Variants in SCAI observed in about 807,000 individuals in gnomAD.
SCAI encodes protein SCAI.
SCAI carries 24 observed loss-of-function variants against 92.2 expected under a neutral mutation model. That is an observed-to-expected ratio of 0.26 (90% confidence interval 0.19 to 0.37). The LOEUF (loss-of-function observed/expected upper bound fraction) is 0.37, where lower values mean the gene tolerates loss of function less well. Among genes scored for constraint, SCAI ranks in the 10% least tolerant of loss-of-function variants. SCAI has a pLI of 1.00. For missense variants in SCAI, 450 were observed against 736.2 expected, an observed-to-expected ratio of 0.61 and a Z score of 4.50; for synonymous variants, 261 against 258.6, an observed-to-expected ratio of 1.01 and a Z score of -0.09.
At chr9:124,999,865 A>G (rs754333391) in intron 13 of SCAI, 26 bp downstream of exon 13, 8 of 1,158,146 alleles carry the variant, frequency 6.9e-6, no homozygotes, top group Non-Finnish European at 8.7e-6. Flanking sequence ...AATTTTTATA[A>G]TAAGAGTAGA....
intron 2 of SCAI, among the ~76,000 whole-genome samples, chr9:125,126,027 T>C (rs574245807): frequency 4.0e-5 from 6 of 151,642 alleles, no homozygotes; most frequent in African/African-American, 1.2e-4. Flanking sequence ...TTGGGTACAA[T>C]GAAGCCAGTG....
intron 2 of SCAI, among the ~76,000 whole-genome samples, chr9:125,107,961 C>T (rs1354334622): frequency 6.6e-6 from 1 of 151,774 alleles, no homozygotes; most frequent in African/African-American, 2.4e-5. Context: ...CCTGCCGAAC[C>T]CCTGCGATTG....
intron 2 of SCAI, among the ~76,000 whole-genome samples, chr9:125,089,110 T>A (rs1044104396): frequency 2.0e-5 from 3 of 152,210 alleles, no homozygotes; most frequent in African/African-American, 7.2e-5. Context: ...CCCCAAGTCT[T>A]AACTGTATTC....
intron 2 of SCAI, among the ~76,000 whole-genome samples, chr9:125,061,603 T>C (rs1010765935): frequency 2.0e-5 from 3 of 151,912 alleles, no homozygotes; most frequent in Admixed American, 1.3e-4. Flanking sequence ...TACAAAAAAA[T>C]ACAAAAGCTA....
At chr9:125,095,744 G>A (rs979858766) in intron 2 of SCAI, among the ~76,000 whole-genome samples, 3 of 152,160 alleles carry the variant, frequency 2.0e-5, no homozygotes, top group Non-Finnish European at 4.4e-5. Context: ...ACATAATATT[G>A]AGCATCTTGG....
intron 3 of SCAI, among the ~76,000 whole-genome samples, chr9:125,037,015 T>C (rs928559107): frequency 6.6e-6 from 1 of 152,106 alleles, no homozygotes; most frequent in African/African-American, 2.4e-5. Context: ...ACGCCTGTAA[T>C]CCCAGCACTT....
intron 4 of SCAI, among the ~76,000 whole-genome samples, chr9:125,028,799 C>CT (rs1833014336): frequency 9.6e-6 from 1 of 104,498 alleles, no homozygotes; most frequent in African/African-American, 3.1e-5. Context: ...GAACATTACT[C>CT]TTTTTTTTCC....
intron 17 of SCAI, among the ~76,000 whole-genome samples, chr9:124,958,238 T>C (rs1031716742): frequency 1.3e-5 from 2 of 152,200 alleles, no homozygotes; most frequent in African/African-American, 2.4e-5. Context: ...AAAATTTATA[T>C]AGACGTACAA....
At chr9:125,036,855 T>G (rs1833207557) in intron 3 of SCAI, among the ~76,000 whole-genome samples, 1 of 152,220 alleles carries the variant, frequency 6.6e-6, no homozygotes, top group Admixed American at 6.5e-5. Flanking sequence ...GCATGATGGC[T>G]CATGCCTGTA....
At chr9:125,066,908 G>C (rs934899120) in intron 2 of SCAI, among the ~76,000 whole-genome samples, 1 of 152,120 alleles carries the variant, frequency 6.6e-6, no homozygotes, top group Admixed American at 6.5e-5. Flanking sequence ...GTACCATGCT[G>C]TACAGGATTG....
rs769725407 is a variant in SCAI at position 124,946,693 on chromosome 9, A to G, written c.*6114T>C. 2.6e-5 allele frequency: 4 copies of G among 152,168 alleles called. No individual in the cohort carries two copies. The highest frequency in any genetic ancestry group is 4.4e-5 in the Non-Finnish European group (3 of 68,014). 9.4% of individuals were successfully genotyped at this position (152,168 alleles called of 1,614,324 possible). ...CTATCCTCTTATCCTCCCCAACCCT[A>G]TCATCCTTGGGAGAGGTTTGAAGGC... On this transcript the variant is annotated 3_prime_UTR_variant, in exon 18 of 18. Coordinates refer to ENST00000336505, the MANE Select transcript of SCAI (RefSeq NM_001144877.3). This position sits in a 1 kb window ranked among gnomAD's most constrained non-coding sequence, Gnocchi z 4.0.
intron 3 of SCAI, among the ~76,000 whole-genome samples, chr9:125,052,098 G>C (rs1833571813): frequency 6.6e-6 from 1 of 152,052 alleles, no homozygotes; most frequent in African/African-American, 2.4e-5. Flanking sequence ...AGACCTAAAT[G>C]TAAGAGCTAA....
intron 2 of SCAI, among the ~76,000 whole-genome samples, chr9:125,101,535 A>T (rs889652760): frequency 4.6e-5 from 7 of 152,168 alleles, no homozygotes; most frequent in Non-Finnish European, 4.4e-5. Context: ...AGACCTCCAG[A>T]CATGTCTGGG....
intron 9 of SCAI, among the ~76,000 whole-genome samples, chr9:125,012,458 G>A (rs1384887162): frequency 6.6e-6 from 1 of 152,136 alleles, no homozygotes; most frequent in Admixed American, 6.6e-5. Context: ...ATGGTAAAGG[G>A]ATCGATTCAA....
At chr9:124,976,086 G>A (rs373000361) in intron 15 of SCAI, 28 bp downstream of exon 15, 29 of 1,448,970 alleles carry the variant, frequency 2.0e-5, no homozygotes, top group Non-Finnish European at 2.8e-5. Flanking sequence ...TGCAACCTAT[G>A]GCTATACCAG....
At chr9:125,083,051 C>T (rs1391988810) in intron 2 of SCAI, among the ~76,000 whole-genome samples, 3 of 152,214 alleles carry the variant, frequency 2.0e-5, no homozygotes, top group Admixed American at 6.5e-5. Flanking sequence ...ACCCAAATCT[C>T]ATCTTGAATT....
At chr9:125,080,363 G>A (rs1198830356) in intron 2 of SCAI, among the ~76,000 whole-genome samples, 1 of 152,118 alleles carries the variant, frequency 6.6e-6, no homozygotes, top group Non-Finnish European at 1.5e-5. Flanking sequence ...CAAATATTGT[G>A]AAATAGGGTT....
chr9:124,990,174 CAAAAAAGAAA>C (rs1832088929), intron 14 of SCAI, among the ~76,000 whole-genome samples: 1 of 150,700 alleles, frequency 6.6e-6, no homozygotes, highest in Non-Finnish European at 1.5e-5. Context: ...AACTCTGTCT[CAAAAAAGAAA>C]AAAAAAGAAA....
At chr9:124,976,218 A>G in intron 14 of SCAI, 32 bp from the exon 15 acceptor site, 1 of 1,446,186 alleles carries the variant, frequency 6.9e-7, no homozygotes, top group Non-Finnish European at 9.7e-7. Context: ...AACTTGCATT[A>G]AAGATTTGAC....
Sources: allele counts gnomAD v4.1 joint callset (sites outside exome capture counted in the v4.1 genomes callset), GRCh38; gene constraint gnomAD v4.1.1; non-coding constraint Gnocchi (gnomAD v3.1); transcripts MANE v1.5; gene names NCBI Gene and HGNC (gene_info 2026-07-23, HGNC 2026-07-21).